Variants in PSMB2 observed in about 807,000 individuals in gnomAD.
The protein encoded by PSMB2 is proteasome 20S subunit beta 2.
In PSMB2, 13 loss-of-function variants were observed where a neutral mutation model predicts 25.7. The observed-to-expected ratio is 0.51, with a 90% CI of 0.33 to 0.80. The LOEUF (loss-of-function observed/expected upper bound fraction) is 0.80. Ranked by LOEUF, PSMB2 falls within the 30% of genes least tolerant of loss-of-function variation. The probability of loss-of-function intolerance (pLI) is 0.02; values close to 1 mark genes in which losing one functional copy is unlikely to be tolerated. For missense variants in PSMB2, 202 were observed against 259.0 expected, an observed-to-expected ratio of 0.78 and a Z score of 1.51; for synonymous variants, 87 against 96.2, an observed-to-expected ratio of 0.90 and a Z score of 0.56.
rs989688425 is a variant in PSMB2, at chr1:35,601,314, G to A, written c.*1953C>T. 6.0e-5 allele frequency: 56 copies of A among 932,570 alleles called. No homozygotes were observed. Among genetic ancestry groups the A allele is most frequent in the African/African-American group, 7.2e-5 (4 of 55,894 alleles). 57.8% of individuals were successfully genotyped at this position (932,570 alleles called of 1,614,324 possible). A position where few individuals can be genotyped will look rare whatever the true frequency, so the allele number is the denominator to read the frequency against. On this transcript the variant is annotated 3_prime_UTR_variant, in exon 6 of 6. Coordinates refer to ENST00000373237, the MANE Select transcript of PSMB2 (RefSeq NM_002794.5). The stretch of plus-strand genomic sequence containing the variant: ...TTGAACTCCTGACCTCAGGTGATCC[G>A]CCCGCCTCGGCGGGCGGCCAAAGTG...
intron 3 of PSMB2, among the ~76,000 whole-genome samples, chr1:35,613,086 G>C (rs1650386799): frequency 6.6e-6 from 1 of 152,238 alleles, no homozygotes; most frequent in Admixed American, 6.5e-5. Flanking sequence ...TCCTGGTATT[G>C]AAGATAACTC....
chr1:35,621,173 T>C (rs576390709), intron 3 of PSMB2, among the ~76,000 whole-genome samples: 7 of 152,286 alleles, frequency 4.6e-5, no homozygotes, highest in Admixed American at 3.3e-4. Context: ...TCAAACACCT[T>C]GGTCTGTGCT....
chr1:35,636,367 T>G lies in PSMB2; in HGVS notation c.157A>C (p.Thr53Pro), dbSNP rs1031367879. Residue 53 changes from threonine (T) to proline (P), a missense_variant, in exon 2 of 6, where the codon ACT (threonine) becomes CCT (proline). By Grantham distance (38) the Thr-to-Pro change is conservative (BLOSUM62 -1). Coordinates refer to ENST00000373237, the MANE Select transcript of PSMB2 (RefSeq NM_002794.5). Reference sequence around the variant, plus strand: ...TGAATATATTCTGCAAACTGTACAGTGTCTCCAGCCTCTCCAACACACAGG... The same window carrying G: ...TGAATATATTCTGCAAACTGTACAGGGTCTCCAGCCTCTCCAACACACAGG... ...LLLCVGEAGD[T>P]VQFAEYIQKN... is the part of the protein sequence containing the mutation. 17 of 1,614,094 alleles carry G rather than the reference T, an allele frequency of 1.1e-5. No homozygotes were observed. The highest frequency in any genetic ancestry group is 1.4e-5 in the Non-Finnish European group (17 of 1,179,942).
At chr1:35,631,433 C>T (rs1651094789) in intron 2 of PSMB2, 89 bp from the exon 3 acceptor site, 9 of 1,580,768 alleles carry the variant, frequency 5.7e-6, no homozygotes, top group Non-Finnish European at 6.9e-6. Context: ...TCCTAAAGCC[C>T]ACCATCTTTT....
intron 2 of PSMB2, 39 bp from the exon 3 acceptor site, chr1:35,631,383 AG>A: frequency 6.2e-7 from 1 of 1,610,344 alleles, no homozygotes; most frequent in Non-Finnish European, 8.5e-7. Context: ...AAAGTAAAGC[AG>A]AAGGAATAAC....
intron 2 of PSMB2, among the ~76,000 whole-genome samples, chr1:35,635,246 T>C (rs1034079556): frequency 6.9e-6 from 1 of 145,186 alleles, no homozygotes; most frequent in Non-Finnish European, 1.5e-5. Flanking sequence ...ACAACAAGAG[T>C]GAAACTCCAT....
At chr1:35,631,414 T>C (rs1452496143) in intron 2 of PSMB2, 70 bp from the exon 3 acceptor site, 1 of 1,600,132 alleles carries the variant, frequency 6.2e-7, no homozygotes, top group East Asian at 2.2e-5. Flanking sequence ...AATTATTCAC[T>C]ACCCCTGTTC....
chr1:35,621,975 G>A (rs778879984), intron 3 of PSMB2, among the ~76,000 whole-genome samples: 8 of 151,866 alleles, frequency 5.3e-5, no homozygotes, highest in Non-Finnish European at 1.0e-4. Flanking sequence ...CAGCCTGGGC[G>A]ACAGAGCGAG....
At chr1:35,615,081 G>T (rs1328796119) in intron 3 of PSMB2, among the ~76,000 whole-genome samples, 5 of 152,190 alleles carry the variant, frequency 3.3e-5, no homozygotes, top group Admixed American at 2.6e-4. Context: ...AATGCAGATT[G>T]ACTATTACCA....
rs543868845 is a variant in PSMB2 at position 35,636,864 on chromosome 1, C to T, written c.92-432G>A. ...ACCAATCCCTACAGATACCAAGGGA[C>T]GACTGTATATTGAATAATTTAACTA... On this transcript the variant is annotated intron_variant, in intron 1 of 5. Transcript: ENST00000373237. Among the ~76,000 whole-genome samples the T allele has an allele frequency of 9.2e-5, 14 of 152,204 alleles. No individual in the cohort carries two copies. The South Asian group carries it at 2.5e-3, about 27-fold the overall frequency.
chr1:35,622,168 A>C (rs931207311), intron 3 of PSMB2, among the ~76,000 whole-genome samples: 5 of 152,104 alleles, frequency 3.3e-5, no homozygotes. Context: ...AGAGTAAAGA[A>C]AACCTCATGA....
intron 3 of PSMB2, among the ~76,000 whole-genome samples, chr1:35,611,721 G>T (rs1306584936): frequency 6.6e-6 from 1 of 152,176 alleles, no homozygotes; most frequent in African/African-American, 2.4e-5. Context: ...CTACTTGGGA[G>T]GCTGAGGCAT....
chr1:35,603,471 T>C (rs555143588), intron 5 of PSMB2, 97 bp from the exon 6 acceptor site: 3 of 1,410,648 alleles, frequency 2.1e-6, no homozygotes, highest in East Asian at 4.7e-5. Context: ...CAAACAAAAA[T>C]CCCTGCTTTT....
At chr1:35,608,389 TATGG>T (rs1212263138) in intron 4 of PSMB2, among the ~76,000 whole-genome samples, 1 of 151,674 alleles carries the variant, frequency 6.6e-6, no homozygotes, top group African/African-American at 2.4e-5. Flanking sequence ...GATAGAAAAT[TATGG>T]ATAGACAGAG....
At chr1:35,634,164 G>A (rs937245540) in intron 2 of PSMB2, among the ~76,000 whole-genome samples, 1 of 152,190 alleles carries the variant, frequency 6.6e-6, no homozygotes, top group African/African-American at 2.4e-5. Flanking sequence ...CTACCAGAGA[G>A]TAAGGCAGAA....
At chr1:35,625,926 T>C (rs1246345593) in intron 3 of PSMB2, among the ~76,000 whole-genome samples, 1 of 151,950 alleles carries the variant, frequency 6.6e-6, no homozygotes, top group Non-Finnish European at 1.5e-5. Context: ...AACCTCCACC[T>C]TCTGGGTTCA....
At chr1:35,625,033 C>A (rs566642966) in intron 3 of PSMB2, among the ~76,000 whole-genome samples, 1 of 148,334 alleles carries the variant, frequency 6.7e-6, no homozygotes, top group Non-Finnish European at 1.5e-5. Flanking sequence ...TGCACTCCAG[C>A]CTGGGTGACA....
chr1:35,605,209 C>T (rs902006369), intron 5 of PSMB2, 24 bp downstream of exon 5: 3 of 1,590,446 alleles, frequency 1.9e-6, no homozygotes, highest in Non-Finnish European at 2.6e-6. Flanking sequence ...ACATTCCTTT[C>T]AGGATCCTAT....
At chr1:35,618,233 G>A (rs907608388) in intron 3 of PSMB2, among the ~76,000 whole-genome samples, 8 of 152,188 alleles carry the variant, frequency 5.3e-5, no homozygotes, top group African/African-American at 1.9e-4. Flanking sequence ...TAGAAGAGGT[G>A]AGGGAGAAAG....
Sources: gnomAD v4.1 joint callset for allele counts (sites outside exome capture counted in the v4.1 genomes callset) on GRCh38, gnomAD v4.1.1 for gene constraint, MANE v1.5 for transcripts, NCBI Gene and HGNC (gene_info 2026-07-23, HGNC 2026-07-21) for gene names.